The following KCNQ1 variants were observed in gnomAD, a reference collection of about 807,000 sequenced individuals.
The protein encoded by KCNQ1 is potassium voltage-gated channel subfamily KQT member 1.
A neutral mutation model predicts 72.4 loss-of-function variants in KCNQ1; 49 were observed. The ratio of observed to expected loss-of-function variants is 0.68; its 90% CI spans 0.54 to 0.86. KCNQ1 has a LOEUF of 0.86. KCNQ1 is among the 40% of genes least tolerant of loss of function. The pLI, the probability that KCNQ1 is intolerant of heterozygous loss-of-function variation, is 0.00. For synonymous variants in KCNQ1, 450 were observed against 412.6 expected, an observed-to-expected ratio of 1.09 and a Z score of -1.10; for missense variants, 790 against 945.1, an observed-to-expected ratio of 0.84 and a Z score of 2.15.
intron 10 of KCNQ1, chr11:2,616,099 G>A (rs1300876361): frequency 2.0e-5 from 8 of 397,748 alleles, no homozygotes; most frequent in African/African-American, 8.2e-5. Flanking sequence ...TTGTGAATTC[G>A]TCCATCTTAT....
chr11:2,648,430 ACTT>A, intron 10 of KCNQ1: 1 of 398,368 alleles, frequency 2.5e-6, no homozygotes, highest in Non-Finnish European at 4.4e-6. Context: ...CCCTCATAGC[ACTT>A]CTTTTGTTGT....
At chr11:2,692,937 G>A (rs1850612227) in intron 11 of KCNQ1, 1 of 398,562 alleles carries the variant, frequency 2.5e-6, no homozygotes, top group African/African-American at 2.1e-5. Flanking sequence ...CAAGCAGGTT[G>A]TCCTGCCCAT....
intron 11 of KCNQ1, chr11:2,697,066 A>G (rs576843213): frequency 3.5e-5 from 14 of 398,452 alleles, no homozygotes; most frequent in African/African-American, 8.2e-5. Flanking sequence ...AAACATTTTC[A>G]TAATAATACT....
At chr11:2,540,184 G>T (rs1377601829) in intron 2 of KCNQ1, among the ~76,000 whole-genome samples, 1 of 152,162 alleles carries the variant, frequency 6.6e-6, no homozygotes, top group South Asian at 2.1e-4. Flanking sequence ...CTCCTCTGAC[G>T]CTGGGCAGCA....
intron 1 of KCNQ1, among the ~76,000 whole-genome samples, chr11:2,474,496 A>G (rs1347758377): frequency 2.6e-5 from 4 of 152,242 alleles, no homozygotes; most frequent in South Asian, 2.1e-4. Flanking sequence ...AGCAGGCACC[A>G]TTAAATGCAG....
At position 2,769,507 on chromosome 11, in the gene KCNQ1, C is replaced by T. The variant is rs1224421831; in HGVS notation, c.1590+588C>T. 2.6e-5 allele frequency among the ~76,000 whole-genome samples: 4 copies of T among 152,206 alleles called. No homozygotes were observed. The highest frequency in any genetic ancestry group is 5.9e-5 in the Non-Finnish European group (4 of 68,032). Reference sequence around the variant, plus strand: ...GCCCTAACTTCTCCAGGGGCATGTCCCCCCTACAGAAGCCCCTTAGAGCCC... The same window carrying T: ...GCCCTAACTTCTCCAGGGGCATGTCTCCCCTACAGAAGCCCCTTAGAGCCC... On this transcript the variant is annotated intron_variant, in intron 12 of 15. Coordinates refer to ENST00000155840, the MANE Select transcript of KCNQ1 (RefSeq NM_000218.3). The surrounding 1 kb of genome is among the most constrained non-coding windows in gnomAD (Gnocchi z 4.6).
intron 10 of KCNQ1, chr11:2,619,435 G>A (rs1289476944): frequency 2.5e-6 from 1 of 398,394 alleles, no homozygotes; most frequent in Non-Finnish European, 4.4e-6. Flanking sequence ...ATGATCATGT[G>A]GTTTTCATCT....
At position 2,710,233 on chromosome 11, in the gene KCNQ1, T is replaced by C. The variant is rs1252683376; in HGVS notation, c.1514+48152T>C. 6.6e-6 allele frequency among the ~76,000 whole-genome samples: 1 copy of C among 152,258 alleles called. No individual in the cohort carries two copies. Among genetic ancestry groups the C allele is most frequent in the African/African-American group, 2.4e-5 (1 of 41,472 alleles). On this transcript the variant is annotated intron_variant, in intron 11 of 15. Coordinates refer to ENST00000155840, the MANE Select transcript of KCNQ1 (RefSeq NM_000218.3). This position sits in a 1 kb window ranked among gnomAD's most constrained non-coding sequence, Gnocchi z 4.1. The stretch of plus-strand genomic sequence containing the variant: ...GTGGTTTTGATTTGCATTTCCCCGA[T>C]GACTAATGATGTTGAGCATCTTATT...
rs192221669 is a variant in KCNQ1 at position 2,736,340 on chromosome 11, G to A, written c.1515-32504G>A. Among the ~76,000 whole-genome samples, 29 of 152,330 alleles carry A rather than the reference G, an allele frequency of 1.9e-4. No individual in the cohort carries two copies. In the East Asian group the frequency reaches 5.0e-3, roughly 26 times the overall value. On this transcript the variant is annotated intron_variant, in intron 11 of 15. Transcript: ENST00000155840. ...TGGGATCTGGGGCCCACCGGGGGCT[G>A]TGAATAGTTGGAGCCCTGGAGTGCC... is the stretch of plus-strand genomic sequence containing the variant.
chr11:2,492,951 G>A lies in KCNQ1; in HGVS notation c.387-34977G>A, dbSNP rs991543069. On this transcript the variant is annotated intron_variant, in intron 1 of 15. Transcript: ENST00000155840. The surrounding 1 kb of genome is among the most constrained non-coding windows in gnomAD (Gnocchi z 4.1). The stretch of plus-strand genomic sequence containing the variant: ...CACCACGCTGTCTTCCACAATGGTT[G>A]AACTAATTTACACTCCCACCAACAG... Among the ~76,000 whole-genome samples the A allele has an allele frequency of 6.6e-6, 1 of 152,136 alleles. No homozygotes were observed. Among genetic ancestry groups the A allele is most frequent in the Non-Finnish European group, 1.5e-5 (1 of 68,024 alleles).
At chr11:2,681,949 A>T (rs1325140645) in intron 11 of KCNQ1, 6 of 398,498 alleles carry the variant, frequency 1.5e-5, no homozygotes, top group Non-Finnish European at 2.2e-5. Flanking sequence ...AAATGATACT[A>T]CTACTTACAC....
At position 2,536,922 on chromosome 11, in the gene KCNQ1, T is replaced by C. The variant is rs966944427; in HGVS notation, c.477+8904T>C. Among the ~76,000 whole-genome samples the C allele has an allele frequency of 4.6e-5, 7 of 151,340 alleles. No individual in the cohort carries two copies. The highest frequency in any genetic ancestry group is 1.7e-4 in the African/African-American group (7 of 41,014). On this transcript the variant is annotated intron_variant, in intron 2 of 15. Coordinates refer to ENST00000155840, the MANE Select transcript of KCNQ1 (RefSeq NM_000218.3). This position sits in a 1 kb window ranked among gnomAD's most constrained non-coding sequence, Gnocchi z 7.4. ...CTGTCTTCTAGATGTAGTACCCCAA[T>C]CCCCCCCAGTCCCTCCCTTTACCTC...
In KCNQ1 at chr11:2,544,266, GTGTGTATATATA is replaced by G. The variant is rs1564811921; in HGVS notation, c.477+16262_477+16273del. Reference sequence around the variant, plus strand: ...TGTGTGTGTATATATATATGTGTGTGTGTGTATATATATGTGTATATATATATGTATATATGT... The same window carrying G: ...TGTGTGTGTATATATATATGTGTGTGTGTGTATATATATATGTATATATGT... On this transcript the variant is annotated intron_variant, in intron 2 of 15. Coordinates refer to ENST00000155840, the MANE Select transcript of KCNQ1 (RefSeq NM_000218.3). The surrounding 1 kb of genome is among the most constrained non-coding windows in gnomAD (Gnocchi z 4.4). Among the ~76,000 whole-genome samples the G allele has an allele frequency of 7.2e-6, 1 of 138,106 alleles. No homozygotes were observed. The highest frequency in any genetic ancestry group is 1.5e-5 in the Non-Finnish European group (1 of 64,860). 90.6% of individuals were successfully genotyped at this position (138,106 alleles called of 152,430 possible).
At chr11:2,596,543 A>G (rs904982156) in intron 10 of KCNQ1, among the ~76,000 whole-genome samples, 2 of 152,118 alleles carry the variant, frequency 1.3e-5, no homozygotes, top group African/African-American at 4.8e-5. Context: ...TATGCCTACA[A>G]TATGGATACA....
intron 2 of KCNQ1, among the ~76,000 whole-genome samples, chr11:2,540,310 C>G (rs1847803825): frequency 6.6e-6 from 1 of 152,248 alleles, no homozygotes; most frequent in Non-Finnish European, 1.5e-5. Flanking sequence ...ACCAGAGGCC[C>G]TGGCCGTGCA....
In KCNQ1 at chr11:2,682,743, A is replaced by G; in HGVS notation, c.1514+20662A>G. ...TAAAGAATCTCTTCCCCTTGAGCCC[A>G]CTCATCTCTGTTGACATTCTAGAAA... On this transcript the variant is annotated intron_variant, in intron 11 of 15. Transcript: ENST00000155840. This position sits in a 1 kb window ranked among gnomAD's most constrained non-coding sequence, Gnocchi z 5.8. The G allele has an allele frequency of 2.5e-6, 1 of 398,616 alleles. No individual in the cohort carries two copies. The highest frequency in any genetic ancestry group is 4.4e-6 in the Non-Finnish European group (1 of 226,086). The allele number at this position is 398,616 out of a possible 1,614,324, so 24.7% of individuals were successfully genotyped here.
chr11:2,685,378 A>G, intron 11 of KCNQ1: 1 of 398,700 alleles, frequency 2.5e-6, no homozygotes, highest in Non-Finnish European at 4.4e-6. Context: ...TGCCTGGTAC[A>G]TGGGCAGGGG....
In KCNQ1 at chr11:2,750,336, A is replaced by G. The variant is rs1182454522; in HGVS notation, c.1515-18508A>G. 6.6e-6 allele frequency among the ~76,000 whole-genome samples: 1 copy of G among 152,146 alleles called. No individual in the cohort carries two copies. Among genetic ancestry groups the G allele is most frequent in the Non-Finnish European group, 1.5e-5 (1 of 68,020 alleles). ...GTTGGGCTTGTGGCTGGCCTGGCCT[A>G]ACCAGTTGGGGGAATCCATGGGAGG... On this transcript the variant is annotated intron_variant, in intron 11 of 15. Coordinates refer to ENST00000155840, the MANE Select transcript of KCNQ1 (RefSeq NM_000218.3). The surrounding 1 kb of genome is among the most constrained non-coding windows in gnomAD (Gnocchi z 6.3).
rs1846839699 is a variant in KCNQ1, at chr11:2,782,459, C to G, written c.1794+4422C>G. ...TTTGGTGTCAAATGTATGTGAGCCT[C>G]ACAGACTAACTTAAGAAGTGTTCCC... On this transcript the variant is annotated intron_variant, in intron 15 of 15. Coordinates refer to ENST00000155840, the MANE Select transcript of KCNQ1 (RefSeq NM_000218.3). This position sits in a 1 kb window ranked among gnomAD's most constrained non-coding sequence, Gnocchi z 6.1. Among the ~76,000 whole-genome samples the G allele has an allele frequency of 6.6e-6, 1 of 152,212 alleles. No homozygotes were observed. Among genetic ancestry groups the G allele is most frequent in the Non-Finnish European group, 1.5e-5 (1 of 68,038 alleles).
Sources: allele counts gnomAD v4.1 joint callset (sites outside exome capture counted in the v4.1 genomes callset), GRCh38; gene constraint gnomAD v4.1.1; non-coding constraint Gnocchi (gnomAD v3.1); transcripts MANE v1.5; gene names NCBI Gene and HGNC (gene_info 2026-07-23, HGNC 2026-07-21).